Variants in BAZ2B observed in about 807,000 individuals in gnomAD.
BAZ2B encodes the protein bromodomain adjacent to zinc finger domain 2B, also known as bromodomain adjacent to zinc finger domain protein 2B.
BAZ2B carries 91 observed loss-of-function variants against 246.0 expected under a neutral mutation model. That is an observed-to-expected ratio of 0.37 (90% CI 0.31 to 0.44). BAZ2B has a LOEUF of 0.44. Among genes scored for constraint, BAZ2B ranks in the 20% least tolerant of loss-of-function variants. The pLI is 1.00. For missense variants in BAZ2B, 2,332 were observed against 2,533.7 expected, an observed-to-expected ratio of 0.92 and a Z score of 1.71; for synonymous variants, 855 against 860.0, an observed-to-expected ratio of 0.99 and a Z score of 0.10.
At chr2:159,331,127 T>C (rs2064680922) in intron 34 of BAZ2B, among the ~76,000 whole-genome samples, 1 of 152,064 alleles carries the variant, frequency 6.6e-6, no homozygotes, top group Non-Finnish European at 1.5e-5. Flanking sequence ...GAGGTAAGAA[T>C]GGATGGGATC....
chr2:159,414,253 T>C (rs1576736389), intron 13 of BAZ2B, among the ~76,000 whole-genome samples: 1 of 152,088 alleles, frequency 6.6e-6, no homozygotes, highest in South Asian at 2.1e-4. Flanking sequence ...AGAATGATAG[T>C]TACCAGAGGC....
intron 14 of BAZ2B, among the ~76,000 whole-genome samples, 178 bp downstream of exon 14, chr2:159,412,157 T>G (rs2066931834): frequency 6.6e-6 from 1 of 152,236 alleles, no homozygotes; most frequent in South Asian, 2.1e-4. Context: ...CTTGAAAGAT[T>G]ACCTAATCAA....
At chr2:159,407,247 G>A (rs2066095864) in intron 14 of BAZ2B, among the ~76,000 whole-genome samples, 1 of 151,844 alleles carries the variant, frequency 6.6e-6, no homozygotes, top group Admixed American at 6.6e-5. Flanking sequence ...TGAGGTAGGT[G>A]GATCACTTGA....
intron 14 of BAZ2B, among the ~76,000 whole-genome samples, chr2:159,407,165 A>G (rs1056888084): frequency 1.3e-5 from 2 of 152,000 alleles, no homozygotes; most frequent in African/African-American, 2.4e-5. Context: ...GTTAAATAGC[A>G]TAGCCAAGAA....
intron 27 of BAZ2B, among the ~76,000 whole-genome samples, chr2:159,364,086 G>T (rs10490000): frequency 0.15 from 23,148 of 152,074 alleles, 2,433 homozygotes; most frequent in African/African-American, 0.3. Context: ...AACTCAAGGA[G>T]AAATACAGGT....
the BAZ2B span, among the ~76,000 whole-genome samples, chr2:159,652,651 C>T: frequency 6.6e-6 from 1 of 152,028 alleles, no homozygotes; most frequent in African/African-American, 2.4e-5. Context: ...GCTCTATTGC[C>T]CAAAGGCTTC....
intron 2 of BAZ2B, among the ~76,000 whole-genome samples, chr2:159,508,399 C>T (rs936551343): frequency 2.6e-5 from 4 of 152,214 alleles, no homozygotes; most frequent in Middle Eastern, 6.8e-3. Flanking sequence ...AATTTGTATT[C>T]GGTAAGTTAT....
intron 1 of BAZ2B, 105 bp downstream of exon 1, chr2:159,616,137 C>G (rs929187542): frequency 6.6e-6 from 1 of 152,290 alleles, no homozygotes; most frequent in Non-Finnish European, 1.5e-5. Flanking sequence ...CGGAGTCCCC[C>G]GCTTGCCCGA....
the BAZ2B span, among the ~76,000 whole-genome samples, chr2:159,682,662 A>G: frequency 6.6e-6 from 1 of 152,198 alleles, no homozygotes; most frequent in South Asian, 2.1e-4. Context: ...ATGTAGGGGC[A>G]TTGGTTGGTG....
At chr2:159,673,591 C>T in the BAZ2B span, among the ~76,000 whole-genome samples, 23 of 151,868 alleles carry the variant, frequency 1.5e-4, no homozygotes, top group Admixed American at 6.6e-5. Context: ...TTGCAAACCA[C>T]AGGAAAAACA....
the BAZ2B span, among the ~76,000 whole-genome samples, chr2:159,673,450 G>A: frequency 1.2e-4 from 18 of 152,240 alleles, no homozygotes; most frequent in Admixed American, 2.6e-4. Context: ...ATTTGGCAAC[G>A]TCAAACAAAA....
At chr2:159,667,847 C>T in the BAZ2B span, among the ~76,000 whole-genome samples, 2 of 152,122 alleles carry the variant, frequency 1.3e-5, no homozygotes, top group Admixed American at 6.5e-5. Context: ...ATTTTAAAAA[C>T]TGCATTGTCT....
intron 3 of BAZ2B, chr2:159,460,480 A>G (rs891065050): frequency 6.6e-6 from 1 of 152,092 alleles, no homozygotes; most frequent in Non-Finnish European, 1.5e-5. Context: ...TAATCTTTCA[A>G]TGCTACACAA....
intron 1 of BAZ2B, among the ~76,000 whole-genome samples, chr2:159,591,083 C>T (rs1165055248): frequency 6.6e-6 from 1 of 152,122 alleles, no homozygotes; most frequent in Non-Finnish European, 1.5e-5. Flanking sequence ...AGTGGGCTGA[C>T]ATGAAATAAT....
chr2:159,528,752 C>T (rs76188973), intron 2 of BAZ2B, among the ~76,000 whole-genome samples: 2,800 of 151,066 alleles, frequency 0.019, 37 homozygotes, highest in South Asian at 0.06. Flanking sequence ...CTTTTATTAA[C>T]CTCTAGTTAA....
intron 2 of BAZ2B, among the ~76,000 whole-genome samples, chr2:159,504,828 T>TA (rs1559639359): frequency 6.6e-6 from 1 of 152,160 alleles, no homozygotes; most frequent in Non-Finnish European, 1.5e-5. Context: ...TACAAATACA[T>TA]AAAAACACAA....
chr2:159,629,911 C>T, the BAZ2B span, among the ~76,000 whole-genome samples: 4 of 151,976 alleles, frequency 2.6e-5, no homozygotes, highest in Non-Finnish European at 4.4e-5. Context: ...CAGTATTTAT[C>T]GTTAAGTGAA....
chr2:159,365,264 C>A (rs1183181598), intron 27 of BAZ2B, among the ~76,000 whole-genome samples: 1 of 152,100 alleles, frequency 6.6e-6, no homozygotes, highest in Non-Finnish European at 1.5e-5. Context: ...GCTGGAATAG[C>A]ATTCTGAAAG....
At chr2:159,704,283 C>T in the BAZ2B span, among the ~76,000 whole-genome samples, 17 of 152,090 alleles carry the variant, frequency 1.1e-4, no homozygotes, top group Admixed American at 1.0e-3. Context: ...TATATGTATT[C>T]AATGGCTTTA....
Sources: gnomAD v4.1 joint callset for allele counts (sites outside exome capture counted in the v4.1 genomes callset) on GRCh38, gnomAD v4.1.1 for gene constraint, MANE v1.5 for transcripts, NCBI Gene and HGNC (gene_info 2026-07-23, HGNC 2026-07-21) for gene names.